FNBP1: variants seen among roughly 807,000 people sequenced by gnomAD.
FNBP1 encodes the protein formin-binding protein 1.
Under a neutral mutation model 90.6 loss-of-function variants are expected in FNBP1, and 26 were observed. The observed-to-expected ratio is 0.29, with a 90% CI of 0.21 to 0.40. FNBP1 has a LOEUF of 0.40. Ranked by LOEUF, FNBP1 falls within the 10% of genes least tolerant of loss-of-function variation. The pLI, the probability that FNBP1 is intolerant of heterozygous loss-of-function variation, is 1.00. For synonymous variants in FNBP1, 260 were observed against 265.2 expected (o/e 0.98, Z 0.19); for missense variants, 635 against 768.0 (o/e 0.83, Z 2.05).
At chr9:130,024,756 C>T (rs1486532052) in intron 1 of FNBP1, among the ~76,000 whole-genome samples, 1 of 152,172 alleles carries the variant, frequency 6.6e-6, no homozygotes, top group Non-Finnish European at 1.5e-5. Context: ...GTGGTTGAAT[C>T]TTTTTGGCAA....
chr9:129,970,702 G>A (rs1253098372), intron 4 of FNBP1, among the ~76,000 whole-genome samples: 1 of 152,094 alleles, frequency 6.6e-6, no homozygotes, highest in African/African-American at 2.4e-5. Context: ...CACTGAAAAT[G>A]CAATTGCCCT....
chr9:129,908,666 C>T (rs1444958581), intron 12 of FNBP1, among the ~76,000 whole-genome samples: 1 of 152,072 alleles, frequency 6.6e-6, no homozygotes, highest in Non-Finnish European at 1.5e-5. Flanking sequence ...AATTCTGCTG[C>T]CTCAGCCTCC....
intron 4 of FNBP1, among the ~76,000 whole-genome samples, chr9:129,972,746 G>A (rs1250980146): frequency 3.3e-5 from 5 of 152,098 alleles, no homozygotes; most frequent in Admixed American, 6.6e-5. Context: ...TGGCAAGGCT[G>A]GTCTTCAACT....
Position 129,929,632 on chromosome 9 carries a change from T to G in FNBP1, c.577A>C (p.Ile193Leu). 1 of 1,613,916 alleles carries G rather than the reference T, an allele frequency of 6.2e-7. No individual in the cohort carries two copies. Among genetic ancestry groups the G allele is most frequent in the Non-Finnish European group, 8.5e-7 (1 of 1,179,796 alleles). Residue 193 changes from isoleucine (I) to leucine (L), a missense_variant, in exon 7 of 17, where the codon ATT (isoleucine) becomes CTT (leucine). By Grantham distance (5) the Ile-to-Leu change is conservative. Transcript: ENST00000446176. ...TGCTCATGGTTGAATTTCTGGAGAATGGATGAGTAATCTGCTTTGCTGTCC... is the reference window on the plus strand; with the variant it reads ...TGCTCATGGTTGAATTTCTGGAGAAGGGATGAGTAATCTGCTTTGCTGTCC... ...AEDSKADYSS[I>L]LQKFNHEQHE... is the part of the protein sequence containing the mutation.
rs2059835761 is a variant in FNBP1 at position 130,041,726 on chromosome 9, G to T, written c.24+1226C>A. ...GATTTTGGTAATAACAACCGTAGCT[G>T]CTTCTGTACCTAACAAATGGTTATG... On this transcript the variant is annotated intron_variant, in intron 1 of 16. Coordinates refer to ENST00000446176, the MANE Select transcript of FNBP1 (RefSeq NM_015033.3). This position sits in a 1 kb window ranked among gnomAD's most constrained non-coding sequence, Gnocchi z 4.3. Among the ~76,000 whole-genome samples, 1 of 152,186 alleles carries T rather than the reference G, an allele frequency of 6.6e-6. No homozygotes were observed. The highest frequency in any genetic ancestry group is 1.5e-5 in the Non-Finnish European group (1 of 68,038).
At chr9:129,897,954 C>T (rs1224948131) in intron 15 of FNBP1, among the ~76,000 whole-genome samples, 2 of 152,066 alleles carry the variant, frequency 1.3e-5, no homozygotes, top group Non-Finnish European at 2.9e-5. Context: ...TTCAGCCTCC[C>T]GAGTAGCTGG....
chr9:129,979,509 C>T, intron 2 of FNBP1, 135 bp from the exon 3 acceptor site: 1 of 622,658 alleles, frequency 1.6e-6, no homozygotes, highest in Non-Finnish European at 2.8e-6. Context: ...CCATTTCCTT[C>T]AATCTTTCAA....
In FNBP1 at chr9:129,957,164, A is replaced by C. The variant is rs1194916684; in HGVS notation, c.513+196T>G. Among the ~76,000 whole-genome samples, 1 of 150,818 alleles carries C rather than the reference A, an allele frequency of 6.6e-6. No homozygotes were observed. Among genetic ancestry groups the C allele is most frequent in the Non-Finnish European group, 1.5e-5 (1 of 67,814 alleles). On this transcript the variant is annotated intron_variant, in intron 6 of 16. Coordinates refer to ENST00000446176, the MANE Select transcript of FNBP1 (RefSeq NM_015033.3). This position sits in a 1 kb window ranked among gnomAD's most constrained non-coding sequence, Gnocchi z 4.3. ...GCGATTCTCCTGCCTCAGCCTCCCT[A>C]GTAGTTGGGATTATAGGTGCCTGCC...
At position 130,010,175 on chromosome 9, in the gene FNBP1, G is replaced by T. The variant is rs371539682; in HGVS notation, c.25-15217C>A. Among the ~76,000 whole-genome samples, 51 of 152,244 alleles carry T rather than the reference G, an allele frequency of 3.3e-4. No homozygotes were observed. The South Asian group carries it at 8.3e-3, about 25-fold the overall frequency. ...CTTGTGAGACTGGCCTGTTCATCCA[G>T]CCACTGGTTCTGTGAGATATCCCTT... On this transcript the variant is annotated intron_variant, in intron 1 of 16. Coordinates refer to ENST00000446176, the MANE Select transcript of FNBP1 (RefSeq NM_015033.3).
intron 4 of FNBP1, among the ~76,000 whole-genome samples, chr9:129,967,597 A>G (rs1471513665): frequency 6.6e-6 from 1 of 152,110 alleles, no homozygotes; most frequent in Admixed American, 6.6e-5. Context: ...CACTTGCTGG[A>G]CTCCAGTCCT....
upstream of FNBP1, among the ~76,000 whole-genome samples, chr9:130,045,934 T>G (rs1239596703): frequency 1.3e-5 from 2 of 152,156 alleles, no homozygotes; most frequent in Non-Finnish European, 2.9e-5. Context: ...TACTTAGGAA[T>G]CAGTTTTCAC....
intron 6 of FNBP1, among the ~76,000 whole-genome samples, chr9:129,937,782 A>G (rs1264329547): frequency 6.6e-6 from 1 of 152,178 alleles, no homozygotes; most frequent in Non-Finnish European, 1.5e-5. Context: ...TGACAAATTT[A>G]TAAGGGCAGC....
chr9:130,007,364 T>C (rs888169982), intron 1 of FNBP1, among the ~76,000 whole-genome samples: 1 of 151,954 alleles, frequency 6.6e-6, no homozygotes, highest in African/African-American at 2.4e-5. Flanking sequence ...GAGGCTGTTG[T>C]TGGATGTGCA....
chr9:129,922,176 A>G (rs1160390720), intron 10 of FNBP1, among the ~76,000 whole-genome samples: 2 of 152,200 alleles, frequency 1.3e-5, no homozygotes, highest in Non-Finnish European at 1.5e-5. Context: ...ATTATAAAAG[A>G]TATTTTGGGA....
chr9:130,015,197 AATACT>A (rs908738013), intron 1 of FNBP1, among the ~76,000 whole-genome samples: 114 of 152,298 alleles, frequency 7.5e-4, no homozygotes, highest in African/African-American at 2.7e-3. Context: ...TACTATGCCA[AATACT>A]ATTCTAGAAA....
At chr9:129,904,154 G>A (rs771287136) in intron 12 of FNBP1, among the ~76,000 whole-genome samples, 1 of 152,220 alleles carries the variant, frequency 6.6e-6, no homozygotes, top group Admixed American at 6.5e-5. Context: ...CTCACCTGAC[G>A]AAGAAGCACA....
chr9:130,048,778 C>T, the FNBP1 span, among the ~76,000 whole-genome samples: 3 of 125,636 alleles, frequency 2.4e-5, no homozygotes, highest in African/African-American at 9.5e-5. Context: ...GCGCCCGGCC[C>T]AGTTTCCTCT....
At chr9:130,011,564 A>G (rs1448715253) in intron 1 of FNBP1, among the ~76,000 whole-genome samples, 1 of 151,952 alleles carries the variant, frequency 6.6e-6, no homozygotes, top group Admixed American at 6.6e-5. Flanking sequence ...TTGCTCTTCC[A>G]TCCCTTCCCC....
At chr9:130,051,288 T>C in the FNBP1 span, among the ~76,000 whole-genome samples, 5 of 151,920 alleles carry the variant, frequency 3.3e-5, no homozygotes, top group African/African-American at 1.2e-4. Flanking sequence ...CCACCAGCCT[T>C]GGCCTCCCAA....
Sources: allele counts gnomAD v4.1 joint callset (sites outside exome capture counted in the v4.1 genomes callset), GRCh38; gene constraint gnomAD v4.1.1; non-coding constraint Gnocchi (gnomAD v3.1); transcripts MANE v1.5; gene names NCBI Gene and HGNC (gene_info 2026-07-23, HGNC 2026-07-21).